Variants in TINAG observed in about 807,000 individuals in gnomAD.
TINAG encodes tubulointerstitial nephritis antigen.
TINAG carries 83 observed loss-of-function variants against 72.7 expected under a neutral mutation model. The observed-to-expected ratio is 1.14, with a 90% CI of 0.96 to 1.37. The LOEUF is 1.37. TINAG is among the 40% of genes most tolerant of loss of function. The probability of loss-of-function intolerance (pLI) is 0.00; values close to 1 mark genes in which losing one functional copy is unlikely to be tolerated. For missense variants in TINAG, 685 were observed against 576.6 expected, an observed-to-expected ratio of 1.19 and a Z score of -1.93; for synonymous variants, 234 against 189.9, an observed-to-expected ratio of 1.23 and a Z score of -1.91.
At chr6:54,315,795 G>A (rs1443515535) in intron 1 of TINAG, among the ~76,000 whole-genome samples, 1 of 152,152 alleles carries the variant, frequency 6.6e-6, no homozygotes, top group Non-Finnish European at 1.5e-5. Context: ...GGATTTTAAG[G>A]AGAAAGTCTA....
chr6:54,375,999 T>A (rs1462914465), intron 9 of TINAG, among the ~76,000 whole-genome samples: 3 of 152,110 alleles, frequency 2.0e-5, no homozygotes, highest in Non-Finnish European at 4.4e-5. Context: ...ACCACTCCCA[T>A]CCCTTTTCTT....
intron 9 of TINAG, among the ~76,000 whole-genome samples, chr6:54,376,176 G>A (rs996112611): frequency 5.9e-5 from 9 of 152,130 alleles, no homozygotes; most frequent in African/African-American, 1.9e-4. Context: ...GAGAGTTAAT[G>A]TTTTCATGTG....
chr6:54,337,691 A>G (rs760719619), intron 4 of TINAG, among the ~76,000 whole-genome samples: 10 of 152,204 alleles, frequency 6.6e-5, no homozygotes, highest in Non-Finnish European at 1.0e-4. Context: ...AGGGAAAAAC[A>G]CAGTTATATA....
chr6:54,327,553 A>T (rs1385243005), intron 4 of TINAG, among the ~76,000 whole-genome samples: 2 of 151,518 alleles, frequency 1.3e-5, no homozygotes, highest in African/African-American at 4.9e-5. Flanking sequence ...AACTAGCTGC[A>T]GGAGTTTTTT....
intron 8 of TINAG, 34 bp from the exon 9 acceptor site, chr6:54,354,479 A>C: frequency 6.4e-7 from 1 of 1,572,902 alleles, no homozygotes; most frequent in Non-Finnish European, 8.6e-7. Flanking sequence ...ATATTTTAAT[A>C]CTGTGCCATT....
intron 10 of TINAG, among the ~76,000 whole-genome samples, chr6:54,383,036 A>G (rs1470124566): frequency 6.6e-6 from 1 of 152,136 alleles, no homozygotes; most frequent in Non-Finnish European, 1.5e-5. Context: ...ATGTCCCCAC[A>G]CTTCTGACAC....
At chr6:54,319,711 T>A (rs1784447227) in intron 1 of TINAG, among the ~76,000 whole-genome samples, 1 of 152,156 alleles carries the variant, frequency 6.6e-6, no homozygotes, top group Admixed American at 6.6e-5. Context: ...GTTTGCCCTA[T>A]GATTTTAGGA....
rs200153121 is a variant in TINAG, at chr6:54,329,503, C to T, written c.624+2587C>T. Among the ~76,000 whole-genome samples the T allele has an allele frequency of 2.0e-5, 3 of 152,200 alleles. No individual in the cohort carries two copies. The South Asian group carries it at 6.2e-4, about 32-fold the overall frequency. On this transcript the variant is annotated intron_variant, in intron 4 of 10. Transcript: ENST00000259782. ...TAAATATAGAAAGGAAAAACTGGTA[C>T]CAGCCACTGCAAAAACATATCAAAA...
chr6:54,326,654 T>C (rs1288539464), intron 3 of TINAG, 148 bp from the exon 4 acceptor site: 9 of 560,788 alleles, frequency 1.6e-5, no homozygotes, highest in Non-Finnish European at 2.4e-5. Flanking sequence ...TGCATCATTA[T>C]ATAAAGAATA....
Position 54,380,520 on chromosome 6 carries a change from T to C in TINAG, c.1251-6T>C. ...TACCAATCTTTATTATTGTTATTAATTGTAGATGGGGCACACTGAGAGGAG... is the reference window on the plus strand; with the variant it reads ...TACCAATCTTTATTATTGTTATTAACTGTAGATGGGGCACACTGAGAGGAG... On this transcript the variant is annotated splice_polypyrimidine_tract_variant and splice_region_variant and intron_variant, in intron 9 of 10. Coordinates refer to ENST00000259782, the MANE Select transcript of TINAG (RefSeq NM_014464.4). 1 of 1,607,288 alleles carries C rather than the reference T, an allele frequency of 6.2e-7. No homozygotes were observed. Among genetic ancestry groups the C allele is most frequent in the Non-Finnish European group, 8.5e-7 (1 of 1,176,152 alleles).
At chr6:54,388,567 G>A (rs1233718348) in intron 10 of TINAG, among the ~76,000 whole-genome samples, 1 of 152,044 alleles carries the variant, frequency 6.6e-6, no homozygotes, top group Non-Finnish European at 1.5e-5. Flanking sequence ...CCCAGGGTAG[G>A]GTAAATGGGA....
At chr6:54,319,577 T>C (rs1043284032) in intron 1 of TINAG, among the ~76,000 whole-genome samples, 10 of 152,126 alleles carry the variant, frequency 6.6e-5, no homozygotes, top group African/African-American at 2.4e-4. Context: ...GGAGGGGCAG[T>C]TATGAAATAT....
intron 9 of TINAG, among the ~76,000 whole-genome samples, chr6:54,374,868 T>C (rs1763734828): frequency 6.6e-6 from 1 of 152,114 alleles, no homozygotes; most frequent in South Asian, 2.1e-4. Context: ...GGGTGTCCTG[T>C]ATAAAATATC....
intron 9 of TINAG, among the ~76,000 whole-genome samples, chr6:54,370,328 A>G (rs1050745368): frequency 2.0e-5 from 3 of 152,104 alleles, no homozygotes; most frequent in African/African-American, 7.2e-5. Context: ...GTGAAAAGAA[A>G]AGATTACATG....
At chr6:54,326,383 T>G (rs916887076) in intron 3 of TINAG, among the ~76,000 whole-genome samples, 3 of 152,092 alleles carry the variant, frequency 2.0e-5, no homozygotes, top group Admixed American at 2.0e-4. Context: ...TCATGCATAC[T>G]TTTTTACCTT....
At chr6:54,343,395 G>A (rs752721092) in intron 5 of TINAG, 46 bp downstream of exon 5, 1 of 1,395,706 alleles carries the variant, frequency 7.2e-7, no homozygotes, top group South Asian at 2.0e-5. Context: ...ACTCCTTTTG[G>A]CTCTAGAGAC....
intron 8 of TINAG, among the ~76,000 whole-genome samples, chr6:54,351,916 A>G (rs1168206305): frequency 3.9e-5 from 6 of 151,936 alleles, no homozygotes; most frequent in African/African-American, 1.2e-4. Context: ...ATTTTGATCA[A>G]TTTTGTAAAT....
intron 1 of TINAG, among the ~76,000 whole-genome samples, chr6:54,320,250 C>A (rs1203677599): frequency 6.6e-6 from 1 of 151,988 alleles, no homozygotes; most frequent in Non-Finnish European, 1.5e-5. Context: ...TAAATCAATT[C>A]AAATACTATT....
intron 4 of TINAG, among the ~76,000 whole-genome samples, chr6:54,331,106 A>G (rs774811414): frequency 3.8e-4 from 58 of 152,368 alleles, no homozygotes; most frequent in Non-Finnish European, 7.3e-4. Context: ...AACTCATTTT[A>G]TGAGGCCAGC....
Sources: gnomAD v4.1 joint callset for allele counts (sites outside exome capture counted in the v4.1 genomes callset) on GRCh38, gnomAD v4.1.1 for gene constraint, MANE v1.5 for transcripts, NCBI Gene and HGNC (gene_info 2026-07-23, HGNC 2026-07-21) for gene names.